RARB: variants seen among roughly 807,000 people sequenced by gnomAD.
RARB encodes retinoic acid receptor beta.
Under a neutral mutation model 51.9 loss-of-function variants are expected in RARB, and 17 were observed. The ratio of observed to expected loss-of-function variants is 0.33; its 90% CI spans 0.22 to 0.49. RARB has a LOEUF of 0.49. Among genes scored for constraint, RARB ranks in the 20% least tolerant of loss-of-function variants. The pLI is 0.99. For synonymous variants in RARB, 215 were observed against 195.4 expected, an observed-to-expected ratio of 1.10 and a Z score of -0.84; for missense variants, 369 against 550.8, an observed-to-expected ratio of 0.67 and a Z score of 3.30.
chr3:25,421,765 C>T (rs1164908048), intron 5 of RARB, among the ~76,000 whole-genome samples: 1 of 152,082 alleles, frequency 6.6e-6, no homozygotes, highest in Non-Finnish European at 1.5e-5. Context: ...AACTCTTTGA[C>T]GTAGGTACCA....
intron 5 of RARB, among the ~76,000 whole-genome samples, chr3:25,242,623 T>G (rs995403987): frequency 1.3e-5 from 2 of 152,168 alleles, no homozygotes; most frequent in African/African-American, 4.8e-5. Flanking sequence ...GTTGTAGATG[T>G]GTGGCGTTAT....
At chr3:25,400,381 T>C (rs1334890662) in intron 5 of RARB, among the ~76,000 whole-genome samples, 2 of 152,210 alleles carry the variant, frequency 1.3e-5, no homozygotes, top group Non-Finnish European at 2.9e-5. Context: ...GAACTCATGA[T>C]CTGGTAAGGG....
intron 5 of RARB, among the ~76,000 whole-genome samples, chr3:25,274,103 AC>A (rs1703321105): frequency 6.6e-6 from 1 of 152,066 alleles, no homozygotes; most frequent in Non-Finnish European, 1.5e-5. Flanking sequence ...ATAATTTAAA[AC>A]CTTTTGATCA....
rs191740724 is a variant in RARB at position 25,433,822 on chromosome 3, T to C, written c.157+4934T>C. 2.0e-5 allele frequency among the ~76,000 whole-genome samples: 3 copies of C among 152,278 alleles called. No individual in the cohort carries two copies. In the East Asian group the frequency reaches 5.8e-4, roughly 29 times the overall value. On this transcript the variant is annotated intron_variant, in intron 1 of 7. Coordinates refer to ENST00000330688, the MANE Select transcript of RARB (RefSeq NM_000965.5). ...CTTACCCCATCATTAAAAAGCATGATCTCTGTCCCATCCCACTCCCCAAAC... is the reference window on the plus strand; with the variant it reads ...CTTACCCCATCATTAAAAAGCATGACCTCTGTCCCATCCCACTCCCCAAAC...
chr3:24,927,576 G>A (rs1289464417), intron 2 of RARB, among the ~76,000 whole-genome samples: 1 of 151,922 alleles, frequency 6.6e-6, no homozygotes, highest in Non-Finnish European at 1.5e-5. Flanking sequence ...TGAAGTGTAT[G>A]GCTACAGCCC....
At chr3:25,546,616 TC>T (rs1346087432) in intron 3 of RARB, among the ~76,000 whole-genome samples, 1 of 152,108 alleles carries the variant, frequency 6.6e-6, no homozygotes, top group Non-Finnish European at 1.5e-5. Context: ...AAAGCTATTT[TC>T]TTTTGAATGG....
chr3:24,930,400 T>A (rs1695413771), intron 2 of RARB, among the ~76,000 whole-genome samples: 1 of 152,044 alleles, frequency 6.6e-6, no homozygotes, highest in Admixed American at 6.6e-5. Context: ...CCTAGCATCA[T>A]AAAATTCTCA....
chr3:25,378,878 G>C (rs1706543989), intron 5 of RARB, among the ~76,000 whole-genome samples: 1 of 152,172 alleles, frequency 6.6e-6, no homozygotes, highest in Admixed American at 6.5e-5. Flanking sequence ...AGCAGCTTGA[G>C]AGGAAAAAAA....
chr3:24,840,662 T>G (rs1272205713), intron 1 of RARB, among the ~76,000 whole-genome samples: 2 of 151,820 alleles, frequency 1.3e-5, no homozygotes, highest in Admixed American at 1.3e-4. Flanking sequence ...TAAATGTCTT[T>G]TATAGCATTG....
chr3:25,027,176 T>C (rs913295747), intron 2 of RARB, among the ~76,000 whole-genome samples: 1 of 152,174 alleles, frequency 6.6e-6, no homozygotes, highest in Admixed American at 6.6e-5. Flanking sequence ...ATATATTGGC[T>C]GTAATAAGTG....
chr3:25,095,619 T>A (rs1165328283), intron 3 of RARB, among the ~76,000 whole-genome samples: 2 of 152,134 alleles, frequency 1.3e-5, no homozygotes, highest in Non-Finnish European at 2.9e-5. Flanking sequence ...TACAAGGCAT[T>A]CAGATTTGTA....
rs772618241 is a variant in RARB at position 25,401,238 on chromosome 3, C to T, written c.179-59955C>T. Among the ~76,000 whole-genome samples the T allele has an allele frequency of 7.2e-5, 11 of 152,188 alleles. 1 individual carries two copies. The South Asian group carries it at 1.0e-3, about 14-fold the overall frequency. ...CAAGGTAGACCTGGGCTGAGAAAGA[C>T]GAAACTTTCTCTCCAGTCAGCTGAG... On this transcript the variant is annotated intron_variant, in intron 5 of 11. Coordinates refer to the RARB transcript ENST00000383772.
intron 4 of RARB, among the ~76,000 whole-genome samples, chr3:25,574,615 C>T (rs755177989): frequency 1.1e-4 from 17 of 152,194 alleles, no homozygotes; most frequent in Non-Finnish European, 2.4e-4. Context: ...CGCTCATCAC[C>T]AGGTGGGGCC....
intron 5 of RARB, among the ~76,000 whole-genome samples, chr3:25,317,903 G>A (rs1024521706): frequency 5.9e-5 from 8 of 136,328 alleles, no homozygotes; most frequent in South Asian, 2.6e-4. Context: ...CACCCAGCCT[G>A]TCTGAATTTT....
chr3:25,054,149 G>A (rs1177980498), intron 2 of RARB, among the ~76,000 whole-genome samples: 1 of 152,140 alleles, frequency 6.6e-6, no homozygotes, highest in African/African-American at 2.4e-5. Flanking sequence ...TGTGTTGAAA[G>A]AAGTAGTTTT....
intron 1 of RARB, among the ~76,000 whole-genome samples, chr3:24,843,234 C>G (rs373568510): frequency 6.6e-6 from 1 of 152,120 alleles, no homozygotes; most frequent in African/African-American, 2.4e-5. Context: ...GACGGCAGCT[C>G]CCAATTCAAA....
rs375374706 is a variant in RARB, at chr3:24,915,095, T to C, written c.-380+56343T>C. Reference sequence around the variant, plus strand: ...GGTTAGTGGGGAGAGGACCACTCTTTATAAGAGGTGTTTCTGAAGAACTAG... The same window carrying C: ...GGTTAGTGGGGAGAGGACCACTCTTCATAAGAGGTGTTTCTGAAGAACTAG... On this transcript the variant is annotated intron_variant, in intron 2 of 11. Coordinates refer to the RARB transcript ENST00000383772. Among the ~76,000 whole-genome samples, 369 of 152,292 alleles carry C rather than the reference T, an allele frequency of 2.4e-3. 1 individual carries two copies. Among genetic ancestry groups the C allele is most frequent in the African/African-American group, 8.2e-3 (342 of 41,580 alleles).
intron 4 of RARB, among the ~76,000 whole-genome samples, chr3:25,142,749 A>C (rs1200493363): frequency 6.6e-6 from 1 of 152,138 alleles, no homozygotes; most frequent in Non-Finnish European, 1.5e-5. Context: ...TCCAGAAACC[A>C]AGAGCAGAGC....
rs923850966 is a variant in RARB, at chr3:25,089,480, T to A, written c.-328+29304T>A. The stretch of plus-strand genomic sequence containing the variant: ...GTTGAAAGCATTGATCAGGACTCAA[T>A]CATCCCAAAAAAAAGTCCCAAATTA... On this transcript the variant is annotated intron_variant, in intron 3 of 11. Coordinates refer to the RARB transcript ENST00000383772. Among the ~76,000 whole-genome samples the A allele has an allele frequency of 8.5e-5, 4 of 47,290 alleles. 1 individual carries two copies. The Admixed American group carries it at 1.1e-3, about 14-fold the overall frequency. The allele number at this position is 47,290 out of a possible 152,430, so 31.0% of individuals were successfully genotyped here. A position where few individuals can be genotyped will look rare whatever the true frequency, so the allele number is the denominator to read the frequency against.
Sources: allele counts gnomAD v4.1 joint callset (sites outside exome capture counted in the v4.1 genomes callset), GRCh38; gene constraint gnomAD v4.1.1; transcripts MANE v1.5; gene names NCBI Gene and HGNC (gene_info 2026-07-23, HGNC 2026-07-21).